KDM2B: variants seen among roughly 807,000 people sequenced by gnomAD.
The protein encoded by KDM2B is lysine demethylase 2B.
In KDM2B, 26 loss-of-function variants were observed where a neutral mutation model predicts 150.0. The ratio of observed to expected loss-of-function variants is 0.17; its 90% CI spans 0.13 to 0.24. The LOEUF (loss-of-function observed/expected upper bound fraction) is 0.24. Ranked by LOEUF, KDM2B falls within the 10% of genes least tolerant of loss-of-function variation. KDM2B has a pLI of 1.00. For synonymous variants in KDM2B, 734 were observed against 729.5 expected, an observed-to-expected ratio of 1.01 and a Z score of -0.10; for missense variants, 1,265 against 1,816.9, an observed-to-expected ratio of 0.70 and a Z score of 5.52.
rs1055120241 is a variant in KDM2B, at chr12:121,448,568, C to T, written c.1960-3150G>A. 6.6e-5 allele frequency among the ~76,000 whole-genome samples: 10 copies of T among 152,178 alleles called. No individual in the cohort carries two copies. The South Asian group carries it at 1.0e-3, about 16-fold the overall frequency. The stretch of plus-strand genomic sequence containing the variant: ...AGGCCAGGGCAGGTCAGCCTCATCC[C>T]GCCCAGTGCACCTGCAGACAGAGGA... On this transcript the variant is annotated intron_variant, in intron 13 of 22. Transcript: ENST00000377071.
intron 12 of KDM2B, among the ~76,000 whole-genome samples, chr12:121,490,334 C>G (rs922613149): frequency 1.8e-4 from 27 of 152,226 alleles, no homozygotes; most frequent in African/African-American, 6.5e-4. Context: ...TCCAGCCTCT[C>G]TGCTCCCATA....
intron 12 of KDM2B, among the ~76,000 whole-genome samples, chr12:121,464,938 GT>G (rs1374809022): frequency 1.3e-5 from 2 of 152,078 alleles, no homozygotes; most frequent in East Asian, 3.9e-4. Context: ...TGAGAAAACT[GT>G]TGAGGAAAGC....
intron 22 of KDM2B, among the ~76,000 whole-genome samples, chr12:121,431,946 C>T (rs555120833): frequency 2.7e-5 from 4 of 145,704 alleles, no homozygotes; most frequent in African/African-American, 7.7e-5. Context: ...TGCAGTGGCA[C>T]GACCTCGGCT....
intron 12 of KDM2B, among the ~76,000 whole-genome samples, chr12:121,480,370 G>A (rs1366478555): frequency 3.3e-5 from 5 of 152,130 alleles, no homozygotes; most frequent in Admixed American, 1.3e-4. Context: ...AATGCATAGA[G>A]TGGGATATTC....
upstream of KDM2B, among the ~76,000 whole-genome samples, chr12:121,581,579 G>A (rs1891965338): frequency 1.3e-5 from 2 of 152,204 alleles, no homozygotes; most frequent in South Asian, 4.1e-4. Flanking sequence ...GCCTGATCTT[G>A]CGGGTAAAGA....
Position 121,521,236 on chromosome 12 carries a change from C to A in KDM2B, c.932-136G>T. On this transcript the variant is annotated intron_variant, in intron 8 of 22. Transcript: ENST00000377071. The surrounding 1 kb of genome is among the most constrained non-coding windows in gnomAD (Gnocchi z 4.9). Reference sequence around the variant, plus strand: ...GAAGAGCAGCCAGGGCCTGGGGCAGCGGCGCCCAGCAATGCCTGCTGCACA... The same window carrying A: ...GAAGAGCAGCCAGGGCCTGGGGCAGAGGCGCCCAGCAATGCCTGCTGCACA... 1.6e-6 allele frequency: 1 copy of A among 615,844 alleles called. No individual in the cohort carries two copies. The highest frequency in any genetic ancestry group is 2.9e-6 in the Non-Finnish European group (1 of 342,220). 38.1% of individuals were successfully genotyped at this position (615,844 alleles called of 1,614,324 possible). A position where few individuals can be genotyped will look rare whatever the true frequency, so the allele number is the denominator to read the frequency against.
rs1886653062 is a variant in KDM2B, at chr12:121,521,161, C to G, written c.932-61G>C. On this transcript the variant is annotated intron_variant, in intron 8 of 22. Coordinates refer to ENST00000377071, the MANE Select transcript of KDM2B (RefSeq NM_032590.5). The surrounding 1 kb of genome is among the most constrained non-coding windows in gnomAD (Gnocchi z 4.9). ...GGCCCCTGTGGGCTCCCACACCTCA[C>G]AAGGCTGCAGGGAGGGAGAGCGAGC... The G allele has an allele frequency of 8.4e-7, 1 of 1,185,926 alleles. No homozygotes were observed. Among genetic ancestry groups the G allele is most frequent in the African/African-American group, 1.5e-5 (1 of 65,828 alleles). The allele number at this position is 1,185,926 out of a possible 1,614,324, so 73.5% of individuals were successfully genotyped here.
chr12:121,478,311 T>C (rs1566315742), intron 12 of KDM2B, among the ~76,000 whole-genome samples: 2 of 151,594 alleles, frequency 1.3e-5, no homozygotes, highest in Non-Finnish European at 2.9e-5. Flanking sequence ...CAATAGGTAA[T>C]GTTTTTTGAT....
intron 12 of KDM2B, among the ~76,000 whole-genome samples, chr12:121,491,731 T>G (rs538743653): frequency 7.3e-6 from 1 of 137,728 alleles, no homozygotes; most frequent in East Asian, 2.1e-4. Context: ...GAAGCGGAGG[T>G]GGCAGTGAGC....
rs1218587858 is a variant in KDM2B at position 121,549,223 on chromosome 12, G to A, written c.576+237C>T. Reference sequence around the variant, plus strand: ...CTTATACCTCTAATCTAAGTGCTTTGGGAGGCTAAGGTGAGAGGGTCACTT... The same window carrying A: ...CTTATACCTCTAATCTAAGTGCTTTAGGAGGCTAAGGTGAGAGGGTCACTT... On this transcript the variant is annotated intron_variant, in intron 5 of 22. Transcript: ENST00000377071. This position sits in a 1 kb window ranked among gnomAD's most constrained non-coding sequence, Gnocchi z 4.4. 6.6e-6 allele frequency among the ~76,000 whole-genome samples: 1 copy of A among 152,122 alleles called. No homozygotes were observed. The highest frequency in any genetic ancestry group is 1.5e-5 in the Non-Finnish European group (1 of 68,020).
At chr12:121,415,570 T>C in the KDM2B span, among the ~76,000 whole-genome samples, 84,085 of 151,962 alleles carry the variant, frequency 0.55, 23,567 homozygotes, top group East Asian at 0.68. Context: ...GAGCCGAGAT[T>C]GCGCCACTGT....
At chr12:121,422,156 G>A in the KDM2B span, among the ~76,000 whole-genome samples, 40 of 152,296 alleles carry the variant, frequency 2.6e-4, no homozygotes, top group South Asian at 3.9e-3. Context: ...TGCGGCGTAG[G>A]ATATAACATG....
chr12:121,415,111 T>C, the KDM2B span, among the ~76,000 whole-genome samples: 1 of 151,642 alleles, frequency 6.6e-6, no homozygotes, highest in Non-Finnish European at 1.5e-5. Flanking sequence ...AAAAAAAGAA[T>C]TTGGAAAGTA....
At chr12:121,427,868 C>A (rs558960174), downstream of KDM2B, among the ~76,000 whole-genome samples, 3 of 152,192 alleles carry the variant, frequency 2.0e-5, no homozygotes, top group South Asian at 6.2e-4. Flanking sequence ...TGAGTGACTA[C>A]GGGATCCGTT....
intron 6 of KDM2B, among the ~76,000 whole-genome samples, chr12:121,547,645 C>CTTTTTTTTTTTTTTTTTT (rs55686141): frequency 1.2e-5 from 1 of 80,268 alleles, no homozygotes; most frequent in African/African-American, 4.2e-5. Context: ...CTTCCCCTTC[C>CTTTTTTTTTTTTTTTTTT]TTTTTTTTTT....
Position 121,575,211 on chromosome 12 carries a change from T to C in KDM2B, c.350+570A>G, listed in dbSNP as rs1469378010. Among the ~76,000 whole-genome samples, 1 of 152,238 alleles carries C rather than the reference T, an allele frequency of 6.6e-6. No individual in the cohort carries two copies. The highest frequency in any genetic ancestry group is 1.5e-5 in the Non-Finnish European group (1 of 68,036). On this transcript the variant is annotated intron_variant, in intron 3 of 22. Coordinates refer to ENST00000377071, the MANE Select transcript of KDM2B (RefSeq NM_032590.5). This position sits in a 1 kb window ranked among gnomAD's most constrained non-coding sequence, Gnocchi z 4.4. ...GGACGACACCCCAAGCCTCCTCCCC[T>C]GCCCCTGCCCAAGGGGCACAAACCT...
intron 11 of KDM2B, among the ~76,000 whole-genome samples, chr12:121,502,056 C>G (rs1884617964): frequency 1.3e-5 from 2 of 152,142 alleles, no homozygotes; most frequent in Admixed American, 6.6e-5. Flanking sequence ...CTGACGACCT[C>G]AAGAGAAAAA....
At chr12:121,440,751 AAGCAGATCCAACAGTCT>A in intron 21 of KDM2B, 48 bp downstream of exon 21, 1 of 1,443,468 alleles carries the variant, frequency 6.9e-7, no homozygotes, top group Non-Finnish European at 9.4e-7. Flanking sequence ...CTGAGGGTAA[AAGCAGATCCAACAGTCT>A]AGCTCGCTCA....
chr12:121,547,833 G>T (rs1330496927), intron 6 of KDM2B, among the ~76,000 whole-genome samples: 5 of 151,928 alleles, frequency 3.3e-5, no homozygotes, highest in Non-Finnish European at 7.4e-5. Context: ...CGTAGAGACA[G>T]AGTTTTGCCA....
Sources: allele counts gnomAD v4.1 joint callset (sites outside exome capture counted in the v4.1 genomes callset), GRCh38; gene constraint gnomAD v4.1.1; non-coding constraint Gnocchi (gnomAD v3.1); transcripts MANE v1.5; gene names NCBI Gene and HGNC (gene_info 2026-07-23, HGNC 2026-07-21).